Variants in TESMIN observed in about 807,000 individuals in gnomAD.
The protein encoded by TESMIN is CXC domain containing 2.
A neutral mutation model predicts 47.4 loss-of-function variants in TESMIN; 34 were observed. The observed-to-expected ratio is 0.72, with a 90% CI of 0.55 to 0.96. The LOEUF (loss-of-function observed/expected upper bound fraction) is 0.96, where lower values mean the gene tolerates loss of function less well. TESMIN is among the 40% of genes least tolerant of loss of function. The pLI is 0.00. For missense variants in TESMIN, 610 were observed against 637.2 expected, an observed-to-expected ratio of 0.96 and a Z score of 0.46; for synonymous variants, 278 against 258.9, an observed-to-expected ratio of 1.07 and a Z score of -0.71.
intron 6 of TESMIN, 150 bp downstream of exon 6, chr11:68,738,550 A>G: frequency 7.0e-7 from 1 of 1,430,956 alleles, no homozygotes; most frequent in East Asian, 2.6e-5. Context: ...CAACACCGTT[A>G]GTGGCATTGC....
chr11:68,738,555 C>G, intron 6 of TESMIN, 145 bp downstream of exon 6: 16 of 1,439,618 alleles, frequency 1.1e-5, no homozygotes, highest in Non-Finnish European at 1.5e-5. Context: ...CCGTTAGTGG[C>G]ATTGCTGATG....
At chr11:68,730,173 T>C (rs1242250904) in intron 6 of TESMIN, among the ~76,000 whole-genome samples, 1 of 152,226 alleles carries the variant, frequency 6.6e-6, no homozygotes, top group Non-Finnish European at 1.5e-5. Context: ...TGCACACTGA[T>C]TGTACTACAG....
At chr11:68,706,095 T>G (rs1039789861), downstream of TESMIN, among the ~76,000 whole-genome samples, 7 of 151,870 alleles carry the variant, frequency 4.6e-5, no homozygotes, top group African/African-American at 1.7e-4. Context: ...ACATGATATG[T>G]TAATTTGTAT....
intron 8 of TESMIN, among the ~76,000 whole-genome samples, chr11:68,711,845 C>G (rs143627887): frequency 5.4e-4 from 83 of 152,300 alleles, no homozygotes; most frequent in African/African-American, 1.9e-3. Context: ...GCTGAGGGGG[C>G]CGGCATGTCC....
Position 68,714,751 on chromosome 11 carries a change from C to T in TESMIN, c.1020+1086G>A, listed in dbSNP as rs527273825. On this transcript the variant is annotated intron_variant, in intron 7 of 9. Transcript: ENST00000255087. ...GTACAAATCTCCCAGTGGACATTGG[C>T]GCTTGCTTCTATTGGCTATATTTGT... Among the ~76,000 whole-genome samples, 36 of 152,282 alleles carry T rather than the reference C, an allele frequency of 2.4e-4. No individual in the cohort carries two copies. In the South Asian group the frequency reaches 6.4e-3, roughly 27 times the overall value.
Position 68,738,305 on chromosome 11 carries a change from T to G in TESMIN, c.917+395A>C, listed in dbSNP as rs1160213910. ...GGGCGGAGGCAGCTGGAGGGCACTCTGCAGCCCCCCGTTCATGCTGCATGG... is the reference window on the plus strand; with the variant it reads ...GGGCGGAGGCAGCTGGAGGGCACTCGGCAGCCCCCCGTTCATGCTGCATGG... On this transcript the variant is annotated intron_variant, in intron 6 of 9. Transcript: ENST00000255087. 3.0e-6 allele frequency: 3 copies of G among 1,008,058 alleles called. No individual in the cohort carries two copies. The East Asian group carries it at 3.2e-4, about 106-fold the overall frequency. The allele number at this position is 1,008,058 out of a possible 1,614,324, so 62.4% of individuals were successfully genotyped here. A position where few individuals can be genotyped will look rare whatever the true frequency, so the allele number is the denominator to read the frequency against.
chr11:68,712,678 GC>G (rs1441530032), intron 8 of TESMIN, among the ~76,000 whole-genome samples: 1 of 152,204 alleles, frequency 6.6e-6, no homozygotes, highest in Non-Finnish European at 1.5e-5. Flanking sequence ...AAAAGAAAAA[GC>G]TTTTGTCCAG....
intron 6 of TESMIN, chr11:68,737,686 C>G: frequency 2.0e-5 from 20 of 979,600 alleles, no homozygotes; most frequent in Non-Finnish European, 2.4e-5. Flanking sequence ...CTGAGATGGG[C>G]GGATCATCTG....
intron 9 of TESMIN, among the ~76,000 whole-genome samples, chr11:68,709,905 T>C (rs997746629): frequency 5.3e-5 from 8 of 152,212 alleles, no homozygotes; most frequent in Non-Finnish European, 1.2e-4. Flanking sequence ...TGCGGTGGCT[T>C]ACGCCTGTAA....
rs1265077228 is a variant in TESMIN, at chr11:68,710,866, G to GTAAC, written c.1334+7_1334+8insGTTA. ...CTCTATTAGCAGAGGTTAGTTCAAA[G>GTAAC]TACCTACCTATCGTGACTGAATCTT... On this transcript the variant is annotated splice_region_variant and intron_variant, in intron 9 of 9. Transcript: ENST00000255087. 1.9e-6 allele frequency: 3 copies of GTAAC among 1,606,846 alleles called. No homozygotes were observed. Among genetic ancestry groups the GTAAC allele is most frequent in the Admixed American group, 3.4e-5 (2 of 58,490 alleles).
At chr11:68,747,138 C>T (rs746781044) in intron 3 of TESMIN, 70 bp downstream of exon 3, 9 of 1,509,334 alleles carry the variant, frequency 6.0e-6, no homozygotes, top group South Asian at 1.1e-5. Context: ...AATGATCAGT[C>T]GACTTAGTAA....
At chr11:68,742,634 A>C (rs1946470312) in intron 4 of TESMIN, among the ~76,000 whole-genome samples, 2 of 152,128 alleles carry the variant, frequency 1.3e-5, no homozygotes, top group Non-Finnish European at 2.9e-5. Context: ...CTGAGCTTCC[A>C]GGGTTGCTCT....
chr11:68,734,777 A>C (rs1273958409), intron 6 of TESMIN, among the ~76,000 whole-genome samples: 1 of 152,226 alleles, frequency 6.6e-6, no homozygotes, highest in African/African-American at 2.4e-5. Flanking sequence ...GGGGTTGGTA[A>C]CTAATACAAA....
At chr11:68,743,059 G>A (rs1946476928) in intron 4 of TESMIN, among the ~76,000 whole-genome samples, 1 of 151,826 alleles carries the variant, frequency 6.6e-6, no homozygotes, top group African/African-American at 2.4e-5. Flanking sequence ...TTCATTTTTT[G>A]TAGAGACAGG....
At chr11:68,725,004 GA>G (rs1946244158) in intron 6 of TESMIN, among the ~76,000 whole-genome samples, 1 of 152,148 alleles carries the variant, frequency 6.6e-6, no homozygotes, top group Admixed American at 6.5e-5. Flanking sequence ...AAGGAAAAGG[GA>G]AAAGAGTACA....
At chr11:68,726,235 G>A (rs1946262214) in intron 6 of TESMIN, among the ~76,000 whole-genome samples, 1 of 152,140 alleles carries the variant, frequency 6.6e-6, no homozygotes, top group Non-Finnish European at 1.5e-5. Flanking sequence ...CAAATGGCAA[G>A]GAAATGTGTG....
Position 68,708,363 on chromosome 11 carries a change from C to T in TESMIN, c.1472G>A (p.Cys491Tyr). 6.2e-7 allele frequency: 1 copy of T among 1,613,852 alleles called. No individual in the cohort carries two copies. The highest frequency in any genetic ancestry group is 8.5e-7 in the Non-Finnish European group (1 of 1,179,872). Residue 491 changes from cysteine to tyrosine, a missense_variant, in exon 10 of 10, where the codon TGC becomes TAC. Physicochemically the swap from Cys to Tyr is radical, Grantham distance 194. Coordinates refer to ENST00000255087, the MANE Select transcript of TESMIN (RefSeq NM_004923.3). ...EQMILEEFGRCLSQILHTEFK... is the reference protein window; with the variant it reads ...EQMILEEFGRYLSQILHTEFK... ...CTCAGTGTGGAGAATCTGTGATAAG[C>T]ACCTTCCAAATTCCTCCAGGATCAT...
At position 68,713,352 on chromosome 11, in the gene TESMIN, A is replaced by C. The variant is rs1351742725; in HGVS notation, c.1076T>G (p.Leu359Trp). Residue 359 changes from leucine (L) to tryptophan (W), a missense_variant, in exon 8 of 10, where the codon TTG becomes TGG. Transcript: ENST00000255087. ...AFQPKIGKGQ[L>W]GNVKPQHNKG... is the part of the protein sequence containing the mutation. ...GTTGTGCTGGGGCTTGACATTGCCC[A>C]ATTGGCCCTTCCCAATTTTTGGCTG... is the stretch of plus-strand genomic sequence containing the variant. The C allele has an allele frequency of 1.2e-6, 2 of 1,614,074 alleles. No individual in the cohort carries two copies. The highest frequency in any genetic ancestry group is 4.5e-5 in the East Asian group (2 of 44,890).
chr11:68,718,235 T>C (rs1205912363), intron 6 of TESMIN, among the ~76,000 whole-genome samples: 1 of 112,236 alleles, frequency 8.9e-6, no homozygotes, highest in Non-Finnish European at 1.9e-5. Flanking sequence ...TCCACAGACA[T>C]GTTAGGAAAT....
Sources: allele counts gnomAD v4.1 joint callset (sites outside exome capture counted in the v4.1 genomes callset), GRCh38; gene constraint gnomAD v4.1.1; transcripts MANE v1.5; gene names NCBI Gene and HGNC (gene_info 2026-07-23, HGNC 2026-07-21).